The following EZH2 variants were observed in gnomAD, a reference collection of about 807,000 sequenced individuals.
EZH2 encodes enhancer of zeste 2 polycomb repressive complex 2 subunit.
A neutral mutation model predicts 98.4 loss-of-function variants in EZH2; 18 were observed. The ratio of observed to expected loss-of-function variants is 0.18; its 90% CI spans 0.13 to 0.27. The LOEUF is 0.27. Among genes scored for constraint, EZH2 ranks in the 10% least tolerant of loss-of-function variants. The pLI, the probability that EZH2 is intolerant of heterozygous loss-of-function variation, is 1.00. For missense variants in EZH2, 470 were observed against 935.1 expected (o/e 0.50, Z 6.49); for synonymous variants, 338 against 312.3 (o/e 1.08, Z -0.87).
At chr7:148,849,541 AG>A (rs1390356136) in intron 1 of EZH2, among the ~76,000 whole-genome samples, 1 of 152,176 alleles carries the variant, frequency 6.6e-6, no homozygotes, top group East Asian at 1.9e-4. Context: ...CCAAGTGAAA[AG>A]TTTCCAAGTG....
chr7:148,815,662 A>G, intron 12 of EZH2, 116 bp from the exon 13 acceptor site: 1 of 895,626 alleles, frequency 1.1e-6, no homozygotes, highest in Non-Finnish European at 1.8e-6. Context: ...TAAAGCCAAG[A>G]GTCATGCCCT....
chr7:148,811,326 T>C (rs954617201), intron 16 of EZH2, among the ~76,000 whole-genome samples: 5 of 152,152 alleles, frequency 3.3e-5, no homozygotes, highest in African/African-American at 9.7e-5. Flanking sequence ...AATTTTTGCA[T>C]TTTTTGTAGC....
At position 148,856,945 on chromosome 7, in the gene EZH2, G is replaced by C. The variant is rs145843370; in HGVS notation, c.-7-9640C>G. Among the ~76,000 whole-genome samples, 1,108 of 152,236 alleles carry C rather than the reference G, an allele frequency of 7.3e-3. 19 individuals are homozygous for C. Among genetic ancestry groups the C allele is most frequent in the African/African-American group, 0.025 (1,056 of 41,518 alleles). On this transcript the variant is annotated intron_variant, in intron 1 of 19. Coordinates refer to ENST00000320356, the MANE Select transcript of EZH2 (RefSeq NM_004456.5). ...CCCCTGAGCGTGAGCTAGATTCAATGATTCACTTCCAAAGAAGAGTCTGGA... is the reference window on the plus strand; with the variant it reads ...CCCCTGAGCGTGAGCTAGATTCAATCATTCACTTCCAAAGAAGAGTCTGGA...
chr7:148,810,446 T>A (rs1226356498), intron 16 of EZH2, 32 bp from the exon 17 acceptor site: 1 of 1,478,416 alleles, frequency 6.8e-7, no homozygotes. Flanking sequence ...AAAATTCTTT[T>A]GGATAAAGGT....
rs760631483 is a variant in EZH2, at chr7:148,826,029, AAAAAT to A, written c.907+420_907+424del. ...AAAAAACAACTTACCCAGAGGGCAA[AAAAAT>A]AAAATAAAATAAAATAAAATTACAT... On this transcript the variant is annotated intron_variant, in intron 8 of 19. Transcript: ENST00000320356. 1.2e-4 allele frequency among the ~76,000 whole-genome samples: 18 copies of A among 152,154 alleles called. No individual in the cohort carries two copies. In the South Asian group the frequency reaches 3.1e-3, roughly 26 times the overall value.
At chr7:148,835,174 C>T (rs1050878090) in intron 3 of EZH2, among the ~76,000 whole-genome samples, 3 of 152,186 alleles carry the variant, frequency 2.0e-5, no homozygotes, top group Admixed American at 2.0e-4. Context: ...AATCTCAGCA[C>T]TTTGGCAGGC....
chr7:148,881,964 A>ACGCG, intron 1 of EZH2, among the ~76,000 whole-genome samples: 1 of 58,856 alleles, frequency 1.7e-5, no homozygotes, highest in South Asian at 7.5e-4. Flanking sequence ...ACACACACAC[A>ACGCG]CGCGCGCGCA....
Position 148,827,218 on chromosome 7 carries a change from T to C in EZH2, c.674A>G (p.Glu225Gly). 1.2e-6 allele frequency: 2 copies of C among 1,613,958 alleles called. No homozygotes were observed. Among genetic ancestry groups the C allele is most frequent in the Non-Finnish European group, 1.7e-6 (2 of 1,179,914 alleles). ...PRKFPSDKIFEAISSMFPDKG... is the reference protein window; with the variant it reads ...PRKFPSDKIFGAISSMFPDKG... ...ATCTGGAAACATTGAGGAAATGGCTTCAAAAATTTTATCAGAAGGAAATTT... is the reference window on the plus strand; with the variant it reads ...ATCTGGAAACATTGAGGAAATGGCTCCAAAAATTTTATCAGAAGGAAATTT... The change falls in exon 7 of 20, where the codon GAA (glutamate) becomes GGA (glycine). Residue 225 changes from glutamate (E) to glycine (G), a missense_variant. Physicochemically the swap from Glu to Gly is moderately conservative, Grantham distance 98 (BLOSUM62 -2). Transcript: ENST00000320356.
chr7:148,820,072 A>T (rs1805571095), intron 8 of EZH2, among the ~76,000 whole-genome samples: 2 of 152,184 alleles, frequency 1.3e-5, no homozygotes, highest in Admixed American at 1.3e-4. Context: ...CTGACATACA[A>T]TTTCTTGATT....
At chr7:148,851,034 T>C (rs1186728251) in intron 1 of EZH2, among the ~76,000 whole-genome samples, 5 of 152,110 alleles carry the variant, frequency 3.3e-5, no homozygotes, top group Admixed American at 3.3e-4. Flanking sequence ...AATTGTAGAT[T>C]GGGGGTGGGG....
intron 3 of EZH2, among the ~76,000 whole-genome samples, chr7:148,845,730 C>T (rs3779038): frequency 0.75 from 114,090 of 152,166 alleles, 43,749 homozygotes; most frequent in African/African-American, 0.92. Context: ...CTACATAGTG[C>T]AATTTTAATT....
At chr7:148,868,324 G>GCTT (rs2129490405) in intron 1 of EZH2, among the ~76,000 whole-genome samples, 1 of 152,278 alleles carries the variant, frequency 6.6e-6, no homozygotes, top group East Asian at 1.9e-4. Flanking sequence ...AGCATGGCTG[G>GCTT]GGAAGCCTCA....
rs560981773 is a variant in EZH2 at position 148,810,859 on chromosome 7, G to A, written c.1948-445C>T. Among the ~76,000 whole-genome samples the A allele has an allele frequency of 6.0e-5, 8 of 133,928 alleles. No homozygotes were observed. In the East Asian group the frequency reaches 1.8e-3, roughly 30 times the overall value. The allele number at this position is 133,928 out of a possible 152,430, so 87.9% of individuals were successfully genotyped here. A position where few individuals can be genotyped will look rare whatever the true frequency, so the allele number is the denominator to read the frequency against. On this transcript the variant is annotated intron_variant, in intron 16 of 19. Coordinates refer to ENST00000320356, the MANE Select transcript of EZH2 (RefSeq NM_004456.5). The stretch of plus-strand genomic sequence containing the variant: ...TGCGGTGAGCCAAAATCACGCCATT[G>A]CACTCCGGCCTGGGCAACAAGAGCG...
At position 148,846,542 on chromosome 7, in the gene EZH2, T is replaced by C. The variant is rs1814083959; in HGVS notation, c.174A>G (p.Gln58=). The change falls in exon 3 of 20, where the codon CAA becomes CAG. Residue 58 remains glutamine, a synonymous_variant. Transcript: ENST00000320356. Reference sequence around the variant, plus strand: ...GCTGTATCCTTCGCTGTTTCCATTCTTGGTTTAAGATTTCCGTTCTTTCCA... The same window carrying C: ...GCTGTATCCTTCGCTGTTTCCATTCCTGGTTTAAGATTTCCGTTCTTTCCA... ...KILERTEILN[Q]EWKQRRIQPV... The C allele has an allele frequency of 6.2e-7, 1 of 1,613,990 alleles. No individual in the cohort carries two copies. Among genetic ancestry groups the C allele is most frequent in the South Asian group, 1.1e-5 (1 of 91,076 alleles).
At chr7:148,877,396 T>C (rs543123791) in intron 1 of EZH2, among the ~76,000 whole-genome samples, 25 of 152,326 alleles carry the variant, frequency 1.6e-4, no homozygotes, top group Admixed American at 5.2e-4. Flanking sequence ...ACTTGAGAAG[T>C]GTTTGGTTCC....
chr7:148,843,037 A>T (rs559494453), intron 3 of EZH2, among the ~76,000 whole-genome samples: 1 of 152,082 alleles, frequency 6.6e-6, no homozygotes, highest in East Asian at 1.9e-4. Flanking sequence ...ATGAAACCCC[A>T]TCTCTACTAA....
intron 1 of EZH2, among the ~76,000 whole-genome samples, chr7:148,866,886 T>A (rs962432013): frequency 3.3e-5 from 5 of 149,490 alleles, no homozygotes; most frequent in Admixed American, 6.6e-5. Flanking sequence ...GGCTAATTTT[T>A]ATTTTTTGGT....
At chr7:148,878,206 T>C (rs555021080) in intron 1 of EZH2, among the ~76,000 whole-genome samples, 1 of 152,320 alleles carries the variant, frequency 6.6e-6, no homozygotes, top group African/African-American at 2.4e-5. Flanking sequence ...ATCACTATTA[T>C]CCATCTCCAG....
intron 1 of EZH2, among the ~76,000 whole-genome samples, chr7:148,883,801 G>A (rs1224643096): frequency 1.3e-5 from 2 of 151,770 alleles, no homozygotes; most frequent in Non-Finnish European, 2.9e-5. Context: ...GAGACTTGAG[G>A]CTCGAGCTGC....
Sources: gnomAD v4.1 joint callset for allele counts (sites outside exome capture counted in the v4.1 genomes callset) on GRCh38, gnomAD v4.1.1 for gene constraint, MANE v1.5 for transcripts, NCBI Gene and HGNC (gene_info 2026-07-23, HGNC 2026-07-21) for gene names.